KCNB2: variants seen among roughly 807,000 people sequenced by gnomAD.
KCNB2 encodes the protein potassium voltage-gated channel subfamily B member 2.
Under a neutral mutation model 61.5 loss-of-function variants are expected in KCNB2, and 15 were observed. That is an observed-to-expected ratio of 0.24 (90% CI 0.16 to 0.38). The LOEUF (loss-of-function observed/expected upper bound fraction) is 0.38, where lower values mean the gene tolerates loss of function less well. Among genes scored for constraint, KCNB2 ranks in the 10% least tolerant of loss-of-function variants. The pLI is 1.00. For synonymous variants in KCNB2, 457 were observed against 446.0 expected (o/e 1.02, Z -0.31); for missense variants, 828 against 1,125.2 (o/e 0.74, Z 3.78).
intron 1 of KCNB2, among the ~76,000 whole-genome samples, chr8:72,551,331 C>G (rs1221252079): frequency 6.6e-6 from 1 of 152,124 alleles, no homozygotes. Context: ...AAACCTTCAA[C>G]TTGGGGGCTA....
intron 2 of KCNB2, among the ~76,000 whole-genome samples, chr8:72,593,540 C>A (rs1807134967): frequency 6.6e-6 from 1 of 152,130 alleles, no homozygotes; most frequent in South Asian, 2.1e-4. Context: ...TCTCTCTTAT[C>A]TCTGCTTTAA....
chr8:72,613,683 C>T (rs184129792), intron 2 of KCNB2, among the ~76,000 whole-genome samples: 8 of 152,234 alleles, frequency 5.3e-5, no homozygotes, highest in South Asian at 2.1e-4. Flanking sequence ...CAGGGGTATC[C>T]GATGACCATA....
At chr8:72,708,208 G>T (rs1054728090) in intron 2 of KCNB2, among the ~76,000 whole-genome samples, 1 of 152,324 alleles carries the variant, frequency 6.6e-6, no homozygotes, top group African/African-American at 2.4e-5. Context: ...TATCGGGAAG[G>T]GTGGGGAGAG....
intron 2 of KCNB2, among the ~76,000 whole-genome samples, chr8:72,625,026 C>A (rs765625583): frequency 2.0e-5 from 3 of 152,310 alleles, no homozygotes; most frequent in African/African-American, 7.2e-5. Flanking sequence ...CAGATCCTTT[C>A]CCAGTCAAGC....
At chr8:72,786,802 T>C (rs1469349357) in intron 2 of KCNB2, among the ~76,000 whole-genome samples, 1 of 152,092 alleles carries the variant, frequency 6.6e-6, no homozygotes, top group African/African-American at 2.4e-5. Flanking sequence ...GTAATAAAAA[T>C]GGGTGAGAAT....
chr8:72,868,335 T>G (rs1585943058), intron 2 of KCNB2, among the ~76,000 whole-genome samples: 1 of 151,632 alleles, frequency 6.6e-6, no homozygotes, highest in Non-Finnish European at 1.5e-5. Flanking sequence ...ATCCCAGCAC[T>G]TTGGGAGGCT....
intron 2 of KCNB2, among the ~76,000 whole-genome samples, chr8:72,586,511 A>G (rs1164549189): frequency 6.6e-6 from 1 of 152,240 alleles, no homozygotes; most frequent in Non-Finnish European, 1.5e-5. Flanking sequence ...GAAAAGAACT[A>G]AGGAAATTGA....
chr8:72,893,675 T>C (rs1382555787), intron 2 of KCNB2, among the ~76,000 whole-genome samples: 1 of 152,216 alleles, frequency 6.6e-6, no homozygotes, highest in Non-Finnish European at 1.5e-5. Context: ...GAAAAAATGT[T>C]GAGGCTTAGA....
intron 2 of KCNB2, among the ~76,000 whole-genome samples, chr8:72,725,352 G>A (rs1018714991): frequency 1.3e-5 from 2 of 151,602 alleles, no homozygotes; most frequent in Admixed American, 6.6e-5. Flanking sequence ...AGAACAAGAA[G>A]AGTTGTAGTG....
At chr8:72,833,705 G>A (rs1018146011) in intron 2 of KCNB2, among the ~76,000 whole-genome samples, 1 of 152,174 alleles carries the variant, frequency 6.6e-6, no homozygotes, top group Non-Finnish European at 1.5e-5. Context: ...TGATAGCTGG[G>A]AAGTACAGAT....
At chr8:72,665,164 G>C (rs142043084) in intron 2 of KCNB2, among the ~76,000 whole-genome samples, 467 of 152,316 alleles carry the variant, frequency 3.1e-3, no homozygotes, top group African/African-American at 0.011. Context: ...CGCTTGAGGT[G>C]CTGCACTAAT....
chr8:72,883,096 G>A (rs986726701), intron 2 of KCNB2, among the ~76,000 whole-genome samples: 3 of 152,148 alleles, frequency 2.0e-5, no homozygotes, highest in Admixed American at 6.5e-5. Context: ...AATATGATGC[G>A]AAGCCAGGTT....
chr8:72,882,677 G>A (rs974354224), intron 2 of KCNB2, among the ~76,000 whole-genome samples: 1 of 151,670 alleles, frequency 6.6e-6, no homozygotes, highest in Admixed American at 6.6e-5. Context: ...CAAGATGATG[G>A]TCTGCTAGCA....
chr8:72,586,753 C>G (rs995838164), intron 2 of KCNB2, among the ~76,000 whole-genome samples: 12 of 152,182 alleles, frequency 7.9e-5, no homozygotes, highest in African/African-American at 2.9e-4. Context: ...TTCCATCAGC[C>G]ATGCTGTCCA....
intron 2 of KCNB2, among the ~76,000 whole-genome samples, chr8:72,640,386 T>C (rs1806035550): frequency 6.6e-6 from 1 of 152,084 alleles, no homozygotes; most frequent in Middle Eastern, 3.4e-3. Flanking sequence ...TTGCTGGTAT[T>C]TTTTTTTCTT....
At chr8:72,894,272 A>G (rs1805951415) in intron 2 of KCNB2, among the ~76,000 whole-genome samples, 1 of 152,104 alleles carries the variant, frequency 6.6e-6, no homozygotes, top group Non-Finnish European at 1.5e-5. Flanking sequence ...GGAGCTCAGC[A>G]GGAGGGCTGT....
At chr8:72,662,175 C>T (rs1031334220) in intron 2 of KCNB2, among the ~76,000 whole-genome samples, 1 of 152,142 alleles carries the variant, frequency 6.6e-6, no homozygotes, top group East Asian at 1.9e-4. Context: ...GGTCTGGTCT[C>T]AGGGCTCTGG....
At chr8:72,924,179 G>A (rs778475936) in intron 2 of KCNB2, among the ~76,000 whole-genome samples, 6 of 152,118 alleles carry the variant, frequency 3.9e-5, no homozygotes, top group Non-Finnish European at 8.8e-5. Context: ...TGGGAGAGGA[G>A]GTCAGGGTGG....
chr8:72,796,307 G>A (rs1487954589), intron 2 of KCNB2, among the ~76,000 whole-genome samples: 1 of 151,936 alleles, frequency 6.6e-6, no homozygotes, highest in Non-Finnish European at 1.5e-5. Context: ...ATATCTCCCT[G>A]GGTTTTCATC....
Sources: allele counts gnomAD v4.1 joint callset (sites outside exome capture counted in the v4.1 genomes callset), GRCh38; gene constraint gnomAD v4.1.1; transcripts MANE v1.5; gene names NCBI Gene and HGNC (gene_info 2026-07-23, HGNC 2026-07-21).